SEMA6D: variants seen among roughly 807,000 people sequenced by gnomAD.
SEMA6D encodes semaphorin 6D.
SEMA6D carries 35 observed loss-of-function variants against 106.6 expected under a neutral mutation model. The observed-to-expected ratio is 0.33, with a 90% CI of 0.25 to 0.44. The LOEUF (loss-of-function observed/expected upper bound fraction) is 0.44, where lower values mean the gene tolerates loss of function less well. SEMA6D is among the 20% of genes least tolerant of loss of function. SEMA6D has a pLI of 1.00. For synonymous variants in SEMA6D, 499 were observed against 487.7 expected (o/e 1.02, Z -0.31); for missense variants, 1,185 against 1,345.9 (o/e 0.88, Z 1.87).
At chr15:47,490,187 A>G (rs371717228) in intron 3 of SEMA6D, among the ~76,000 whole-genome samples, 12 of 152,208 alleles carry the variant, frequency 7.9e-5, no homozygotes, top group African/African-American at 2.9e-4. Flanking sequence ...GGAAAGGACT[A>G]TTTTGTTTTC....
chr15:47,304,829 T>G (rs554517647), intron 1 of SEMA6D, among the ~76,000 whole-genome samples: 1 of 152,276 alleles, frequency 6.6e-6, no homozygotes, highest in South Asian at 2.1e-4. Flanking sequence ...ACTGATTATG[T>G]GAAATGGGAG....
At chr15:47,346,100 T>A (rs914760305) in intron 1 of SEMA6D, among the ~76,000 whole-genome samples, 1 of 152,156 alleles carries the variant, frequency 6.6e-6, no homozygotes, top group Non-Finnish European at 1.5e-5. Context: ...CTATGTCAGA[T>A]TTAGAGTTTC....
At chr15:47,487,941 A>T (rs933167327) in intron 3 of SEMA6D, among the ~76,000 whole-genome samples, 1 of 152,162 alleles carries the variant, frequency 6.6e-6, no homozygotes, top group African/African-American at 2.4e-5. Flanking sequence ...GGTTAGAGGC[A>T]AGAATCTATT....
At chr15:47,673,765 A>G (rs899120998) in intron 4 of SEMA6D, among the ~76,000 whole-genome samples, 1 of 152,180 alleles carries the variant, frequency 6.6e-6, no homozygotes, top group African/African-American at 2.4e-5. Context: ...CAGGGAATTA[A>G]GTTTGCAAAC....
At chr15:47,242,396 A>T (rs189394201) in intron 1 of SEMA6D, among the ~76,000 whole-genome samples, 1 of 152,260 alleles carries the variant, frequency 6.6e-6, no homozygotes, top group East Asian at 1.9e-4. Flanking sequence ...CAGCCACAGG[A>T]TCCTCAAAGC....
At chr15:47,683,797 A>G (rs1222117538) in intron 4 of SEMA6D, among the ~76,000 whole-genome samples, 1 of 152,234 alleles carries the variant, frequency 6.6e-6, no homozygotes, top group Non-Finnish European at 1.5e-5. Flanking sequence ...CATTGAGGCC[A>G]TGGCTGAGTG....
chr15:47,348,720 A>ACACACACAC (rs1567016664), intron 1 of SEMA6D, among the ~76,000 whole-genome samples: 10 of 24,670 alleles, frequency 4.1e-4, no homozygotes, highest in African/African-American at 8.9e-4. Flanking sequence ...CACACACACC[A>ACACACACAC]CACACACAGA....
intron 1 of SEMA6D, among the ~76,000 whole-genome samples, chr15:47,224,787 T>C (rs1452061509): frequency 2.0e-5 from 3 of 152,046 alleles, no homozygotes; most frequent in East Asian, 1.9e-4. Flanking sequence ...AAAAATTTGC[T>C]CTTTTATTCT....
chr15:47,244,303 A>C (rs1352010777), intron 1 of SEMA6D, among the ~76,000 whole-genome samples: 1 of 152,134 alleles, frequency 6.6e-6, no homozygotes, highest in Non-Finnish European at 1.5e-5. Flanking sequence ...ACTTAGGCCA[A>C]ATTGGTTAAA....
At chr15:47,695,872 A>G (rs1286699998) in intron 4 of SEMA6D, among the ~76,000 whole-genome samples, 2 of 152,196 alleles carry the variant, frequency 1.3e-5, no homozygotes, top group Non-Finnish European at 2.9e-5. Context: ...TAACCAGTAA[A>G]GCATCAGTAT....
At chr15:47,685,102 C>T (rs1011652685) in intron 4 of SEMA6D, among the ~76,000 whole-genome samples, 3 of 152,096 alleles carry the variant, frequency 2.0e-5, no homozygotes, top group Admixed American at 6.6e-5. Flanking sequence ...ATGTTTCCAC[C>T]GAAGAATCCC....
intron 4 of SEMA6D, among the ~76,000 whole-genome samples, chr15:47,613,330 G>T (rs994494625): frequency 6.6e-6 from 1 of 152,120 alleles, no homozygotes; most frequent in African/African-American, 2.4e-5. Context: ...AATATTTCGT[G>T]CATTCCTCAT....
At chr15:47,535,278 C>G (rs1566866321) in intron 3 of SEMA6D, among the ~76,000 whole-genome samples, 1 of 152,098 alleles carries the variant, frequency 6.6e-6, no homozygotes, top group Non-Finnish European at 1.5e-5. Context: ...TGTTAAATTC[C>G]AAACCCTATG....
chr15:47,436,522 AATATATGT>A (rs928689810), intron 2 of SEMA6D, among the ~76,000 whole-genome samples: 21 of 151,166 alleles, frequency 1.4e-4, no homozygotes, highest in African/African-American at 5.1e-4. Flanking sequence ...CTAAATTACT[AATATATGT>A]ATATATATAT....
intron 1 of SEMA6D, among the ~76,000 whole-genome samples, chr15:47,255,685 T>G (rs958604293): frequency 6.6e-5 from 10 of 152,300 alleles, no homozygotes; most frequent in African/African-American, 2.4e-4. Context: ...TTATTAAAAA[T>G]TTATCAAAAT....
At chr15:47,682,359 G>A (rs2078374156) in intron 4 of SEMA6D, among the ~76,000 whole-genome samples, 1 of 152,104 alleles carries the variant, frequency 6.6e-6, no homozygotes, top group South Asian at 2.1e-4. Flanking sequence ...AGTAGAGACG[G>A]GGTTTCACCA....
chr15:47,319,121 C>T (rs2143571301), intron 1 of SEMA6D, among the ~76,000 whole-genome samples: 1 of 152,272 alleles, frequency 6.6e-6, no homozygotes, highest in South Asian at 2.1e-4. Context: ...CCATGTCCAG[C>T]CTACTAGTAA....
chr15:47,469,370 G>T (rs932581125), intron 2 of SEMA6D, among the ~76,000 whole-genome samples: 10 of 151,578 alleles, frequency 6.6e-5, no homozygotes, highest in Non-Finnish European at 1.5e-5. Context: ...GTGTTTAGTG[G>T]GGGGAGGACT....
At chr15:47,704,921 A>G (rs900854778) in intron 4 of SEMA6D, among the ~76,000 whole-genome samples, 1 of 152,202 alleles carries the variant, frequency 6.6e-6, no homozygotes, top group Non-Finnish European at 1.5e-5. Flanking sequence ...CTAGTTTTGT[A>G]TAAGAGCTAT....
Sources: allele counts gnomAD v4.1 joint callset (sites outside exome capture counted in the v4.1 genomes callset), GRCh38; gene constraint gnomAD v4.1.1; transcripts MANE v1.5; gene names NCBI Gene and HGNC (gene_info 2026-07-23, HGNC 2026-07-21).